The following SLC1A7 variants were observed in gnomAD, a reference collection of about 807,000 sequenced individuals.
The protein encoded by SLC1A7 is solute carrier family 1 member 7.
A neutral mutation model predicts 47.7 loss-of-function variants in SLC1A7; 40 were observed. That is an observed-to-expected ratio of 0.84 (90% CI 0.65 to 1.09). SLC1A7 has a LOEUF of 1.09. Among genes scored for constraint, SLC1A7 ranks in the 50% least tolerant of loss-of-function variants. SLC1A7 has a pLI of 0.00. For missense variants in SLC1A7, 746 were observed against 769.5 expected (o/e 0.97, Z 0.36); for synonymous variants, 323 against 325.6 (o/e 0.99, Z 0.09).
In SLC1A7 at chr1:53,089,806, C is replaced by T. The variant is rs758815960; in HGVS notation, c.1355G>A (p.Trp452Ter). 7.4e-6 allele frequency: 12 copies of T among 1,613,942 alleles called. No individual in the cohort carries two copies. In the South Asian group the frequency reaches 1.3e-4, roughly 18 times the overall value. The stretch of plus-strand genomic sequence containing the variant: ...AGAGGCAAAGTCCACTCACAGAGCC[C>T]AGTCAACGGCAATGATGAGGGTGAT... ...DDITLIIAVD[W>*]ALDRFRTMIN... The change falls in exon 9 of 11, where the codon TGG (tryptophan) becomes TAG (stop). Residue 452 changes from tryptophan to a stop codon, truncating the protein, a stop_gained. Transcript: ENST00000371494. LOFTEE classifies it high-confidence loss of function.
chr1:53,090,186 C>G (rs1352761781), intron 8 of SLC1A7: 1 of 586,528 alleles, frequency 1.7e-6, no homozygotes. Context: ...TGGAGCTGTG[C>G]CTCTGTGGGT....
rs1644381786 is a variant in SLC1A7, at chr1:53,088,233, G to T, written c.1465-6C>A. The T allele has an allele frequency of 6.3e-7, 1 of 1,598,434 alleles. No individual in the cohort carries two copies. The highest frequency in any genetic ancestry group is 1.3e-5 in the African/African-American group (1 of 74,738). On this transcript the variant is annotated splice_region_variant and splice_polypyrimidine_tract_variant and intron_variant, in intron 10 of 10. Transcript: ENST00000371494. The stretch of plus-strand genomic sequence containing the variant: ...GTCTCGCAGGGCAGCAGTTTCTGGT[G>T]AAGGGAAACAGGTCTTTGTAGCAGC...
intron 1 of SLC1A7, among the ~76,000 whole-genome samples, chr1:53,141,124 G>T (rs1645052453): frequency 6.6e-6 from 1 of 152,066 alleles, no homozygotes; most frequent in South Asian, 2.1e-4. Flanking sequence ...TTGTCCTTGG[G>T]CCTTGTCTTC....
intron 2 of SLC1A7, among the ~76,000 whole-genome samples, chr1:53,128,253 T>C (rs6667002): frequency 0.16 from 23,624 of 152,206 alleles, 2,023 homozygotes; most frequent in Middle Eastern, 0.21. Flanking sequence ...GGCAGGAGGA[T>C]GCCTCGAGCC....
At chr1:53,093,679 C>A (rs957825139) in intron 5 of SLC1A7, 119 bp from the exon 6 acceptor site, 7 of 684,992 alleles carry the variant, frequency 1.0e-5, no homozygotes, top group Admixed American at 2.4e-5. Context: ...CCACTCCCCC[C>A]ACTCTCTCTC....
At chr1:53,131,658 TG>T (rs1644943002) in intron 2 of SLC1A7, among the ~76,000 whole-genome samples, 1 of 152,252 alleles carries the variant, frequency 6.6e-6, no homozygotes, top group Non-Finnish European at 1.5e-5. Flanking sequence ...GAAAGCACAA[TG>T]CATGATTGCA....
At chr1:53,101,536 TCA>T (rs1200706965) in intron 5 of SLC1A7, among the ~76,000 whole-genome samples, 1 of 121,574 alleles carries the variant, frequency 8.2e-6, no homozygotes. Context: ...CCCTGACTCG[TCA>T]CACTCACTCA....
chr1:53,115,958 G>A (rs1644756273), intron 2 of SLC1A7: 1 of 152,158 alleles, frequency 6.6e-6, no homozygotes, highest in South Asian at 2.1e-4. Flanking sequence ...GGGGTGAAGT[G>A]AGATTAATTA....
intron 7 of SLC1A7, 56 bp downstream of exon 7, chr1:53,092,498 C>A (rs1405529730): frequency 7.8e-7 from 1 of 1,287,788 alleles, no homozygotes; most frequent in Non-Finnish European, 1.1e-6. Flanking sequence ...GCTGGACAGA[C>A]GGACAGGGCT....
intron 2 of SLC1A7, among the ~76,000 whole-genome samples, chr1:53,130,033 T>A (rs1055340155): frequency 4.6e-5 from 7 of 152,310 alleles, no homozygotes; most frequent in African/African-American, 1.7e-4. Context: ...TAGATGTCAC[T>A]ACTGGACTAA....
In SLC1A7 at chr1:53,088,136, G is replaced by A. The variant is rs1218474300; in HGVS notation, c.1556C>T (p.Ser519Phe). ...GCAGGTGGGGCCCAGGGTGAGCTCG[G>A]AGGCCTCGGCTACACTCTTCACACA... ...NGCVKSVAEA[S>F]ELTLGPTCPH... The change falls in exon 11 of 11, where the codon TCC becomes TTC. Residue 519 changes from serine to phenylalanine, a missense_variant. By Grantham distance (155) the Ser-to-Phe change is radical (BLOSUM62 -2). Coordinates refer to ENST00000371494, the MANE Select transcript of SLC1A7 (RefSeq NM_006671.6). 2.5e-6 allele frequency: 4 copies of A among 1,613,316 alleles called. No individual in the cohort carries two copies. Among genetic ancestry groups the A allele is most frequent in the Admixed American group, 3.3e-5 (2 of 59,972 alleles).
rs1012445346 is a variant in SLC1A7 at position 53,093,910 on chromosome 1, C to G, written c.698-350G>C. ...ACTCGAGTGGGCCCTGCCTGCCTCTCCCTCCTGCTCCTGCCCATCTCACTG... is the reference window on the plus strand; with the variant it reads ...ACTCGAGTGGGCCCTGCCTGCCTCTGCCTCCTGCTCCTGCCCATCTCACTG... On this transcript the variant is annotated intron_variant, in intron 5 of 10. Transcript: ENST00000371494. Among the ~76,000 whole-genome samples the G allele has an allele frequency of 5.9e-5, 9 of 152,194 alleles. No homozygotes were observed. In the South Asian group the frequency reaches 8.3e-4, roughly 14 times the overall value.
chr1:53,109,206 T>C (rs1644676727), intron 3 of SLC1A7, among the ~76,000 whole-genome samples: 1 of 151,836 alleles, frequency 6.6e-6, no homozygotes, highest in Admixed American at 6.6e-5. Flanking sequence ...CCTAATAACA[T>C]GTCCCCAAAC....
At chr1:53,136,342 C>T (rs997037893) in intron 1 of SLC1A7, among the ~76,000 whole-genome samples, 164 of 147,608 alleles carry the variant, frequency 1.1e-3, no homozygotes, top group East Asian at 9.1e-3. Context: ...TACAGGTGCG[C>T]GCCACTATGC....
intron 2 of SLC1A7, among the ~76,000 whole-genome samples, chr1:53,121,933 G>A (rs1007630297): frequency 2.0e-5 from 3 of 152,096 alleles, no homozygotes; most frequent in African/African-American, 4.8e-5. Context: ...AGAAAGGGAC[G>A]GGGCGGGGTG....
chr1:53,088,693 G>A lies in SLC1A7; in HGVS notation c.1464+184C>T, dbSNP rs145483640. Among the ~76,000 whole-genome samples, 976 of 152,246 alleles carry A rather than the reference G, an allele frequency of 6.4e-3. 10 individuals carry two copies. Among genetic ancestry groups the A allele is most frequent in the African/African-American group, 0.022 (916 of 41,540 alleles). On this transcript the variant is annotated intron_variant, in intron 10 of 10. Coordinates refer to ENST00000371494, the MANE Select transcript of SLC1A7 (RefSeq NM_006671.6). ...TGTCTATATCAGCGCCAGCCACAGC[G>A]GGTGCTCAATAAATAGATGTTAGAG...
chr1:53,105,874 G>T, intron 3 of SLC1A7, 100 bp from the exon 4 acceptor site: 1 of 951,284 alleles, frequency 1.1e-6, no homozygotes, highest in Admixed American at 1.9e-5. Context: ...TTTGGTGGTC[G>T]GGCCTTCCTC....
At chr1:53,108,806 AACCTTACCT>A (rs1319871485) in intron 3 of SLC1A7, among the ~76,000 whole-genome samples, 1 of 152,230 alleles carries the variant, frequency 6.6e-6, no homozygotes, top group African/African-American at 2.4e-5. Flanking sequence ...AACAAATGCA[AACCTTACCT>A]TACTTAAGCC....
intron 4 of SLC1A7, among the ~76,000 whole-genome samples, chr1:53,104,595 A>G (rs1644618803): frequency 6.6e-6 from 1 of 152,190 alleles, no homozygotes; most frequent in African/African-American, 2.4e-5. Context: ...ATGATTCCCA[A>G]TTACAATAGA....
Sources: allele counts gnomAD v4.1 joint callset (sites outside exome capture counted in the v4.1 genomes callset), GRCh38; gene constraint gnomAD v4.1.1; transcripts MANE v1.5; gene names NCBI Gene and HGNC (gene_info 2026-07-23, HGNC 2026-07-21).